Variants in KLK9 observed in about 807,000 individuals in gnomAD.
The protein encoded by KLK9 is kallikrein-9.
In KLK9, 26 loss-of-function variants were observed where a neutral mutation model predicts 23.3. The observed-to-expected ratio is 1.12, with a 90% CI of 0.82 to 1.55. KLK9 has a LOEUF of 1.55. KLK9 is among the 40% of genes most tolerant of loss of function. The pLI is 0.00. For synonymous variants in KLK9, 122 were observed against 128.5 expected (o/e 0.95, Z 0.34); for missense variants, 346 against 333.7 (o/e 1.04, Z -0.29).
At chr19:51,007,172 G>A (rs1395452772) in intron 2 of KLK9, among the ~76,000 whole-genome samples, 1 of 151,912 alleles carries the variant, frequency 6.6e-6, no homozygotes, top group Non-Finnish European at 1.5e-5. Context: ...GTATACGTGT[G>A]CGTGTGTATG....
In KLK9 at chr19:51,007,624, G is replaced by A. The variant is rs559698984; in HGVS notation, c.201-901C>T. 7.3e-5 allele frequency among the ~76,000 whole-genome samples: 11 copies of A among 151,684 alleles called. 1 individual carries two copies. In the Middle Eastern group the frequency reaches 0.01, roughly 142 times the overall value. ...CACTTTCGGCTGAAATCTGAACATC[G>A]TTCTCCCAGTCTGATGTATAGGCTT... On this transcript the variant is annotated intron_variant, in intron 2 of 4. Transcript: ENST00000594211.
chr19:51,006,753 G>C lies in KLK9; in HGVS notation c.201-30C>G, dbSNP rs759307845. On this transcript the variant is annotated intron_variant, in intron 2 of 4. Coordinates refer to ENST00000594211, the MANE Select transcript of KLK9 (RefSeq NM_012315.2). The surrounding 1 kb of genome is among the most constrained non-coding windows in gnomAD (Gnocchi z 4.1). Reference sequence around the variant, plus strand: ...TGGGACAGGCCTCAGAGGTCAAGCTGGGGGAAAGGTAAAAGTCCTTTCAGC... The same window carrying C: ...TGGGACAGGCCTCAGAGGTCAAGCTCGGGGAAAGGTAAAAGTCCTTTCAGC... The C allele has an allele frequency of 5.9e-6, 9 of 1,532,796 alleles. No homozygotes were observed. Among genetic ancestry groups the C allele is most frequent in the Non-Finnish European group, 7.0e-6 (8 of 1,139,246 alleles). The allele number at this position is 1,532,796 out of a possible 1,614,324, so 94.9% of individuals were successfully genotyped here. A position where few individuals can be genotyped will look rare whatever the true frequency, so the allele number is the denominator to read the frequency against.
At position 51,009,195 on chromosome 19, in the gene KLK9, T is replaced by C; in HGVS notation, c.188A>G (p.His63Arg). 1.9e-6 allele frequency: 3 copies of C among 1,607,216 alleles called. No individual in the cohort carries two copies. The highest frequency in any genetic ancestry group is 2.5e-6 in the Non-Finnish European group (3 of 1,178,570). Residue 63 changes from histidine (H) to arginine (R), a missense_variant, in exon 2 of 5, where the codon CAC (histidine) becomes CGC (arginine). Coordinates refer to ENST00000594211, the MANE Select transcript of KLK9 (RefSeq NM_012315.2). The surrounding 1 kb of genome is among the most constrained non-coding windows in gnomAD (Gnocchi z 4.8). ...ISDRWLLTAA[H>R]CRKPYLWVRL... ...CTGGGTCACTCACGGCTTGCGGCAG[T>C]GGGCAGCTGTGAGCAGCCAGCGGTC...
At chr19:51,003,939 T>C (rs2091245688) in intron 3 of KLK9, 99 bp from the exon 4 acceptor site, 2 of 945,846 alleles carry the variant, frequency 2.1e-6, no homozygotes, top group Non-Finnish European at 3.3e-6. Flanking sequence ...AAAGGACCAA[T>C]GGAGCCACAT....
In KLK9 at chr19:51,002,968, G is replaced by T; in HGVS notation, c.*143C>A. On this transcript the variant is annotated 3_prime_UTR_variant, in exon 5 of 5. Coordinates refer to ENST00000594211, the MANE Select transcript of KLK9 (RefSeq NM_012315.2). ...CTCGTGAGGGGGCGGAGCCTCAGGG[G>T]CGGAGTCTTAGTGTCCAGAGGGGAG... is the stretch of plus-strand genomic sequence containing the variant. 4 of 998,476 alleles carry T rather than the reference G, an allele frequency of 4.0e-6. No individual in the cohort carries two copies. Among genetic ancestry groups the T allele is most frequent in the Non-Finnish European group, 5.8e-6 (4 of 693,860 alleles). 61.9% of individuals were successfully genotyped at this position (998,476 alleles called of 1,614,324 possible). A position where few individuals can be genotyped will look rare whatever the true frequency, so the allele number is the denominator to read the frequency against.
Position 51,006,823 on chromosome 19 carries a change from G to A in KLK9, c.201-100C>T, listed in dbSNP as rs80122290. 1.9e-3 allele frequency: 2,376 copies of A among 1,278,148 alleles called. 40 individuals carry two copies. The African/African-American group carries it at 0.031, about 16-fold the overall frequency. 79.2% of individuals were successfully genotyped at this position (1,278,148 alleles called of 1,614,324 possible). ...CCATCAGGGTGCTGTGTGACCCTCT[G>A]CAAGCCACACACCCTCTCTGCACCC... On this transcript the variant is annotated intron_variant, in intron 2 of 4. Transcript: ENST00000594211. The surrounding 1 kb of genome is among the most constrained non-coding windows in gnomAD (Gnocchi z 4.1).
In KLK9 at chr19:51,009,314, G is replaced by A. The variant is rs1600132035; in HGVS notation, c.69C>T (p.Ala23=). The A allele has an allele frequency of 6.3e-7, 1 of 1,592,282 alleles. No homozygotes were observed. The highest frequency in any genetic ancestry group is 8.6e-7 in the Non-Finnish European group (1 of 1,169,262). Residue 23 remains alanine (A), a synonymous_variant, in exon 2 of 5, where the codon GCC becomes GCT. Coordinates refer to ENST00000594211, the MANE Select transcript of KLK9 (RefSeq NM_012315.2). This position sits in a 1 kb window ranked among gnomAD's most constrained non-coding sequence, Gnocchi z 4.8. ...TGGGGCGACATTCCTCGGCCCCGAT[G>A]GCACGGGTGTCTGCCCAGCCATGCC... is the stretch of plus-strand genomic sequence containing the variant. ...LAGHGWADTR[A]IGAEECRPNS... is the part of the protein sequence containing the mutation.
chr19:51,008,337 CAAAAAAAAAAAA>C (rs34275672), intron 2 of KLK9, among the ~76,000 whole-genome samples: 6 of 71,708 alleles, frequency 8.4e-5, no homozygotes, highest in Admixed American at 1.9e-4. Flanking sequence ...GACTCTGTCT[CAAAAAAAAAAAA>C]AAAAAAAAAA....
In KLK9 at chr19:51,009,348, G is replaced by T; in HGVS notation, c.44-9C>A. 1 of 1,572,422 alleles carries T rather than the reference G, an allele frequency of 6.4e-7. No homozygotes were observed. Among genetic ancestry groups the T allele is most frequent in the Non-Finnish European group, 8.6e-7 (1 of 1,158,360 alleles). On this transcript the variant is annotated splice_polypyrimidine_tract_variant and intron_variant, in intron 1 of 4. Coordinates refer to ENST00000594211, the MANE Select transcript of KLK9 (RefSeq NM_012315.2). This position sits in a 1 kb window ranked among gnomAD's most constrained non-coding sequence, Gnocchi z 4.8. ...GTCTGCCCAGCCATGCCCTGGGGTGGGGATGAGGGACAAAGGGGTCAGCGA... is the reference window on the plus strand; with the variant it reads ...GTCTGCCCAGCCATGCCCTGGGGTGTGGATGAGGGACAAAGGGGTCAGCGA...
At chr19:51,004,305 C>T (rs1228366546) in intron 3 of KLK9, among the ~76,000 whole-genome samples, 1 of 116,336 alleles carries the variant, frequency 8.6e-6, no homozygotes. Context: ...GGTCACTGCA[C>T]TCCAGCCTGG....
At position 51,006,800 on chromosome 19, in the gene KLK9, A is replaced by G. The variant is rs2091257558; in HGVS notation, c.201-77T>C. 4 of 1,432,260 alleles carry G rather than the reference A, an allele frequency of 2.8e-6. No homozygotes were observed. The highest frequency in any genetic ancestry group is 3.7e-6 in the Non-Finnish European group (4 of 1,078,840). The allele number at this position is 1,432,260 out of a possible 1,614,324, so 88.7% of individuals were successfully genotyped here. ...CAGCCCCAGCCCTCTTTTCCTGTCC[A>G]TCAGGGTGCTGTGTGACCCTCTGCA... On this transcript the variant is annotated intron_variant, in intron 2 of 4. Transcript: ENST00000594211. This position sits in a 1 kb window ranked among gnomAD's most constrained non-coding sequence, Gnocchi z 4.1.
rs1483573095 is a variant in KLK9 at position 51,006,479 on chromosome 19, C to A, written c.445G>T (p.Gly149Trp). Reference sequence around the variant, plus strand: ...ATACCCTTGGGGCTGGACACGGCCCCCCAGCCTGAGATGAGACACTGCATG... The same window carrying A: ...ATACCCTTGGGGCTGGACACGGCCCACCAGCCTGAGATGAGACACTGCATG... Reference protein sequence around the residue: ...PGMQCLISGWGAVSSPKALFP... With the variant: ...PGMQCLISGWWAVSSPKALFP... The change falls in exon 3 of 5, where the codon GGG becomes TGG. Residue 149 changes from glycine to tryptophan, a missense_variant. Gly to Trp is a radical substitution (Grantham distance 184). Coordinates refer to ENST00000594211, the MANE Select transcript of KLK9 (RefSeq NM_012315.2). The surrounding 1 kb of genome is among the most constrained non-coding windows in gnomAD (Gnocchi z 4.1). 1.9e-6 allele frequency: 3 copies of A among 1,612,058 alleles called. No homozygotes were observed. Among genetic ancestry groups the A allele is most frequent in the Non-Finnish European group, 2.5e-6 (3 of 1,178,844 alleles).
At chr19:51,008,115 G>A (rs1259687966) in intron 2 of KLK9, among the ~76,000 whole-genome samples, 1 of 149,152 alleles carries the variant, frequency 6.7e-6, no homozygotes, top group African/African-American at 2.5e-5. Flanking sequence ...CAGATCACAA[G>A]GTCAGGAGTT....
chr19:51,003,593 C>T, intron 4 of KLK9, 111 bp downstream of exon 4: 1 of 952,572 alleles, frequency 1.0e-6, no homozygotes, highest in Non-Finnish European at 1.6e-6. Flanking sequence ...ACCAGGTATC[C>T]CAGTCTCCTT....
chr19:51,003,246 GC>G lies in KLK9; in HGVS notation c.617del (p.Gly206AlafsTer65). 6.2e-7 allele frequency: 1 copy of G among 1,612,468 alleles called. No individual in the cohort carries two copies. Among genetic ancestry groups the G allele is most frequent in the East Asian group, 2.2e-5 (1 of 44,840 alleles). ...CCAAGGTTCCATTGCAAACCAGGGG[GC>G]CCCCAGAGTCACCCTGTACGCGAGA... ...GRGSCQGDSG[G>X]PLVCNGTLAG... On this transcript the variant is annotated frameshift_variant, in exon 5 of 5. Coordinates refer to ENST00000594211, the MANE Select transcript of KLK9 (RefSeq NM_012315.2). LOFTEE classifies it low-confidence loss of function (END_TRUNC).
rs764050540 is a variant in KLK9 at position 51,006,520 on chromosome 19, G to T, written c.404C>A (p.Thr135Asn). 2 of 1,613,248 alleles carry T rather than the reference G, an allele frequency of 1.2e-6. No individual in the cohort carries two copies. The highest frequency in any genetic ancestry group is 1.7e-6 in the Non-Finnish European group (2 of 1,179,456). ...PAVQPLNLSQ[T>N]CVSPGMQCLI... ...ACACTGCATGCCTGGGGAGACACAGGTCTGGCTGAGGTTGAGGGGCTGCAC... is the reference window on the plus strand; with the variant it reads ...ACACTGCATGCCTGGGGAGACACAGTTCTGGCTGAGGTTGAGGGGCTGCAC... Residue 135 changes from threonine to asparagine, a missense_variant, in exon 3 of 5, where the codon ACC becomes AAC. Coordinates refer to ENST00000594211, the MANE Select transcript of KLK9 (RefSeq NM_012315.2). The surrounding 1 kb of genome is among the most constrained non-coding windows in gnomAD (Gnocchi z 4.1).
chr19:51,009,294 C>T lies in KLK9; in HGVS notation c.89G>A (p.Arg30His), dbSNP rs576163713. The change falls in exon 2 of 5, where the codon CGC becomes CAC. Residue 30 changes from arginine to histidine, a missense_variant. Coordinates refer to ENST00000594211, the MANE Select transcript of KLK9 (RefSeq NM_012315.2). This position sits in a 1 kb window ranked among gnomAD's most constrained non-coding sequence, Gnocchi z 4.8. ...GGCCTGCCAAGGCTGGGAGTTGGGG[C>T]GACATTCCTCGGCCCCGATGGCACG... is the stretch of plus-strand genomic sequence containing the variant. Reference protein sequence around the residue: ...DTRAIGAEECRPNSQPWQAGL... With the variant: ...DTRAIGAEECHPNSQPWQAGL... 2.0e-5 allele frequency: 32 copies of T among 1,597,928 alleles called. No homozygotes were observed. In the East Asian group the frequency reaches 3.8e-4, roughly 19 times the overall value.
intron 2 of KLK9, among the ~76,000 whole-genome samples, chr19:51,007,406 T>C (rs958414023): frequency 1.3e-5 from 2 of 151,828 alleles, no homozygotes; most frequent in Non-Finnish European, 2.9e-5. Flanking sequence ...CCTCTGACAT[T>C]AGGCAGCAGG....
chr19:51,008,167 T>TA (rs577874335), intron 2 of KLK9, among the ~76,000 whole-genome samples: 19,705 of 95,792 alleles, frequency 0.21, 2,231 homozygotes, highest in Middle Eastern at 0.29. Flanking sequence ...CCGTCTCTAC[T>TA]AAAAAAAAAA....
Sources: gnomAD v4.1 joint callset for allele counts (sites outside exome capture counted in the v4.1 genomes callset) on GRCh38, gnomAD v4.1.1 for gene constraint, Gnocchi (gnomAD v3.1) non-coding constraint, MANE v1.5 for transcripts, NCBI Gene and HGNC (gene_info 2026-07-23, HGNC 2026-07-21) for gene names.